The following CRPPA variants were observed in gnomAD, a reference collection of about 807,000 sequenced individuals.
The protein encoded by CRPPA is D-ribitol-5-phosphate cytidylyltransferase.
CRPPA carries 43 observed loss-of-function variants against 52.0 expected under a neutral mutation model. The observed-to-expected ratio is 0.83, with a 90% CI of 0.65 to 1.07. CRPPA has a LOEUF of 1.07. Among genes scored for constraint, CRPPA ranks in the 50% least tolerant of loss-of-function variants. The pLI, the probability that CRPPA is intolerant of heterozygous loss-of-function variation, is 0.00. For synonymous variants in CRPPA, 250 were observed against 203.5 expected, an observed-to-expected ratio of 1.23 and a Z score of -1.94; for missense variants, 629 against 551.7, an observed-to-expected ratio of 1.14 and a Z score of -1.40.
At chr7:16,197,209 T>C (rs528219038) in intron 9 of CRPPA, among the ~76,000 whole-genome samples, 91 of 152,316 alleles carry the variant, frequency 6.0e-4, no homozygotes, top group African/African-American at 2.1e-3. Context: ...ACTAGGTTGA[T>C]AGGGACACAA....
chr7:16,361,532 C>A (rs1583548264), intron 3 of CRPPA, among the ~76,000 whole-genome samples: 1 of 152,116 alleles, frequency 6.6e-6, no homozygotes, highest in East Asian at 1.9e-4. Context: ...ACTCAGCCAG[C>A]CCAAAAATGG....
At chr7:16,145,558 A>G (rs1210182466) in intron 9 of CRPPA, among the ~76,000 whole-genome samples, 1 of 152,156 alleles carries the variant, frequency 6.6e-6, no homozygotes, top group Non-Finnish European at 1.5e-5. Context: ...AAGCTACAAG[A>G]GAATGTGGAT....
intron 9 of CRPPA, among the ~76,000 whole-genome samples, chr7:16,106,451 C>G (rs1782153692): frequency 6.6e-6 from 1 of 152,160 alleles, no homozygotes; most frequent in Middle Eastern, 3.2e-3. Context: ...CAGTATCCAG[C>G]CAGAAACTAT....
chr7:16,186,806 AAC>A (rs1012785524), intron 9 of CRPPA, among the ~76,000 whole-genome samples: 5 of 136,302 alleles, frequency 3.7e-5, no homozygotes, highest in African/African-American at 1.3e-4. Flanking sequence ...TAGCAGATAT[AAC>A]AGAGCAAAAT....
At chr7:16,332,382 A>G (rs4721489) in intron 3 of CRPPA, among the ~76,000 whole-genome samples, 138,855 of 152,126 alleles carry the variant, frequency 0.91, 63,528 homozygotes, top group Non-Finnish European at 0.95. Context: ...GTAAAAACTC[A>G]TTTTTATTAT....
intron 2 of CRPPA, among the ~76,000 whole-genome samples, chr7:16,404,614 C>T (rs1049215056): frequency 6.9e-6 from 1 of 145,198 alleles, no homozygotes; most frequent in African/African-American, 2.6e-5. Context: ...AAAGGTAACA[C>T]AGGCAAAAAA....
At chr7:16,131,542 G>C (rs563877920) in intron 9 of CRPPA, among the ~76,000 whole-genome samples, 1 of 152,236 alleles carries the variant, frequency 6.6e-6, no homozygotes, top group Non-Finnish European at 1.5e-5. Context: ...AGCACATTTT[G>C]ACAGCCATGT....
At chr7:16,104,805 C>A (rs1038867361) in intron 9 of CRPPA, among the ~76,000 whole-genome samples, 8 of 151,226 alleles carry the variant, frequency 5.3e-5, no homozygotes, top group African/African-American at 1.7e-4. Flanking sequence ...GAGGCTGAGG[C>A]AGAAGAATTG....
chr7:16,360,374 T>C (rs1249923870), intron 3 of CRPPA, among the ~76,000 whole-genome samples: 3 of 152,172 alleles, frequency 2.0e-5, no homozygotes, highest in African/African-American at 4.8e-5. Context: ...TCAGAGTCAA[T>C]TACATTAAGG....
intron 9 of CRPPA, among the ~76,000 whole-genome samples, chr7:16,166,392 G>C (rs986421180): frequency 6.6e-6 from 1 of 151,866 alleles, no homozygotes; most frequent in South Asian, 2.1e-4. Flanking sequence ...CGATTCTCCT[G>C]CCTCAGCCTC....
At chr7:16,315,187 T>G (rs1785119136) in intron 3 of CRPPA, among the ~76,000 whole-genome samples, 1 of 152,166 alleles carries the variant, frequency 6.6e-6, no homozygotes, top group African/African-American at 2.4e-5. Flanking sequence ...ATTTTTATGA[T>G]AGTGTTTCTG....
At chr7:16,122,855 T>C (rs1327404310) in intron 9 of CRPPA, among the ~76,000 whole-genome samples, 4 of 152,080 alleles carry the variant, frequency 2.6e-5, no homozygotes, top group Non-Finnish European at 5.9e-5. Flanking sequence ...GCAGGAAGAA[T>C]ATACTAATTT....
intron 9 of CRPPA, among the ~76,000 whole-genome samples, chr7:16,136,257 AT>A (rs1224942387): frequency 6.6e-6 from 1 of 152,234 alleles, no homozygotes; most frequent in Non-Finnish European, 1.5e-5. Flanking sequence ...TTAAAAATCC[AT>A]TCAAGGTATT....
intron 9 of CRPPA, among the ~76,000 whole-genome samples, chr7:16,110,614 A>G (rs1202990077): frequency 6.6e-6 from 1 of 152,088 alleles, no homozygotes; most frequent in East Asian, 1.9e-4. Context: ...CCAACAAAAC[A>G]GAGTAGAAAG....
intron 3 of CRPPA, among the ~76,000 whole-genome samples, chr7:16,333,578 T>C (rs1377599140): frequency 6.6e-6 from 1 of 152,184 alleles, no homozygotes; most frequent in Non-Finnish European, 1.5e-5. Flanking sequence ...TAAAATTAAA[T>C]GCATGTATTA....
At chr7:16,396,809 T>C (rs10243957) in intron 2 of CRPPA, among the ~76,000 whole-genome samples, 34,069 of 152,040 alleles carry the variant, frequency 0.22, 6,519 homozygotes, top group African/African-American at 0.52. Flanking sequence ...ACTAAAGATG[T>C]GTGGCATGTG....
intron 9 of CRPPA, among the ~76,000 whole-genome samples, chr7:16,102,245 G>T (rs1782060680): frequency 6.6e-6 from 1 of 151,482 alleles, no homozygotes; most frequent in African/African-American, 2.5e-5. Context: ...AGGAAAACTG[G>T]CTATCCATAT....
chr7:16,167,060 C>T (rs1345082618), intron 9 of CRPPA, among the ~76,000 whole-genome samples: 2 of 151,986 alleles, frequency 1.3e-5, no homozygotes, highest in Non-Finnish European at 2.9e-5. Flanking sequence ...TCCCGAGTAG[C>T]TGGGACTACA....
chr7:16,414,574 C>T (rs562934653), intron 1 of CRPPA, among the ~76,000 whole-genome samples: 2 of 152,268 alleles, frequency 1.3e-5, no homozygotes, highest in South Asian at 2.1e-4. Context: ...ATGCCCCTGC[C>T]AATAACACCA....
Sources: allele counts gnomAD v4.1 joint callset (sites outside exome capture counted in the v4.1 genomes callset), GRCh38; gene constraint gnomAD v4.1.1; transcripts MANE v1.5; gene names NCBI Gene and HGNC (gene_info 2026-07-23, HGNC 2026-07-21).